The following TAFA5 variants were observed in gnomAD, a reference collection of about 807,000 sequenced individuals.
The protein encoded by TAFA5 is TAFA chemokine like family member 5, also known as chemokine-like protein TAFA-5.
In TAFA5, 6 loss-of-function variants were observed where a neutral mutation model predicts 15.3. The observed-to-expected ratio is 0.39, with a 90% confidence interval of 0.21 to 0.77. The LOEUF is 0.77. Among genes scored for constraint, TAFA5 ranks in the 30% least tolerant of loss-of-function variants. TAFA5 has a pLI of 0.41. For synonymous variants in TAFA5, 103 were observed against 80.7 expected (o/e 1.28, Z -1.48); for missense variants, 161 against 193.1 (o/e 0.83, Z 0.98).
intron 1 of TAFA5, among the ~76,000 whole-genome samples, chr22:48,563,507 G>T (rs1472856818): frequency 1.3e-5 from 2 of 152,322 alleles, no homozygotes; most frequent in African/African-American, 4.8e-5. Context: ...GGCTCCTCTT[G>T]TCTCTATATG....
Position 48,565,373 on chromosome 22 carries a change from C to G in TAFA5, c.112+75669C>G, listed in dbSNP as rs566618643. Among the ~76,000 whole-genome samples, 8 of 152,320 alleles carry G rather than the reference C, an allele frequency of 5.3e-5. No homozygotes were observed. In the South Asian group the frequency reaches 1.7e-3, roughly 32 times the overall value. ...CCAGGCCCTCTGGCTTAATGGACAG[C>G]AAAGTCCTAGAAGTGGCTGTGGGGT... On this transcript the variant is annotated intron_variant, in intron 1 of 3. Transcript: ENST00000402357.
chr22:48,605,800 C>T (rs73889151), intron 1 of TAFA5, among the ~76,000 whole-genome samples: 19,462 of 152,190 alleles, frequency 0.13, 1,351 homozygotes, highest in African/African-American at 0.17. Context: ...TGTAGGGTCC[C>T]TGTGTCTTGT....
At chr22:48,516,691 G>A (rs1220063733) in intron 1 of TAFA5, among the ~76,000 whole-genome samples, 1 of 152,204 alleles carries the variant, frequency 6.6e-6, no homozygotes, top group Non-Finnish European at 1.5e-5. Context: ...GACAGGGGTG[G>A]CCCTTCATGA....
chr22:48,687,694 A>C (rs532718708), intron 2 of TAFA5, among the ~76,000 whole-genome samples: 2 of 152,220 alleles, frequency 1.3e-5, no homozygotes, highest in East Asian at 3.9e-4. Context: ...TCTCCCAGTG[A>C]CAGATCCACA....
chr22:48,621,652 C>G (rs2147182600), intron 1 of TAFA5, among the ~76,000 whole-genome samples: 1 of 152,314 alleles, frequency 6.6e-6, no homozygotes, highest in Middle Eastern at 3.4e-3. Flanking sequence ...AGTGGCCCAG[C>G]CTGCGGCATC....
At chr22:48,611,771 G>A (rs1480780391) in intron 1 of TAFA5, among the ~76,000 whole-genome samples, 1 of 152,018 alleles carries the variant, frequency 6.6e-6, no homozygotes, top group Admixed American at 6.5e-5. Context: ...CTTCAGTAAA[G>A]CATGTGCAAC....
At chr22:48,606,032 A>G (rs937964517) in intron 1 of TAFA5, among the ~76,000 whole-genome samples, 4 of 152,154 alleles carry the variant, frequency 2.6e-5, no homozygotes, top group Non-Finnish European at 5.9e-5. Flanking sequence ...GGTGAGCCTG[A>G]TGAGTCAGCA....
intron 2 of TAFA5, among the ~76,000 whole-genome samples, chr22:48,664,065 T>A (rs561935785): frequency 6.6e-6 from 1 of 152,360 alleles, no homozygotes; most frequent in African/African-American, 2.4e-5. Context: ...CTGGCTTTGC[T>A]GTTGCACCCC....
intron 1 of TAFA5, among the ~76,000 whole-genome samples, chr22:48,630,842 C>T (rs189452150): frequency 2.4e-4 from 36 of 152,274 alleles, no homozygotes; most frequent in Middle Eastern, 3.4e-3. Context: ...CCAGGCCCCC[C>T]GAGGAAAAGC....
chr22:48,695,170 G>T (rs1253916261), intron 2 of TAFA5, among the ~76,000 whole-genome samples: 2 of 152,040 alleles, frequency 1.3e-5, no homozygotes, highest in African/African-American at 4.8e-5. Flanking sequence ...TGCACATTGT[G>T]TGTGTGTGTG....
intron 1 of TAFA5, among the ~76,000 whole-genome samples, chr22:48,641,638 C>T (rs777970845): frequency 2.7e-4 from 40 of 150,194 alleles, no homozygotes; most frequent in Non-Finnish European, 4.4e-4. Flanking sequence ...TTCCCCCCCG[C>T]ACACCCTCCC....
At chr22:48,602,557 G>T (rs1474644537) in intron 1 of TAFA5, among the ~76,000 whole-genome samples, 2 of 152,210 alleles carry the variant, frequency 1.3e-5, no homozygotes, top group Non-Finnish European at 2.9e-5. Context: ...ATTTTGCAGA[G>T]AATGTTTGTG....
intron 2 of TAFA5, among the ~76,000 whole-genome samples, chr22:48,660,011 C>T (rs77915007): frequency 0.063 from 9,648 of 152,190 alleles, 453 homozygotes; most frequent in African/African-American, 0.12. Context: ...TCCCCTGCTC[C>T]GGGTGTGGGG....
intron 1 of TAFA5, among the ~76,000 whole-genome samples, chr22:48,575,364 C>T (rs1569030835): frequency 2.0e-5 from 3 of 149,814 alleles, no homozygotes; most frequent in South Asian, 4.1e-4. Flanking sequence ...TGCGCATCCG[C>T]GGCTCCGCGG....
At chr22:48,621,901 G>A (rs1056527741) in intron 1 of TAFA5, among the ~76,000 whole-genome samples, 2 of 152,150 alleles carry the variant, frequency 1.3e-5, no homozygotes, top group Non-Finnish European at 1.5e-5. Context: ...GCCTGGCACG[G>A]TTTGTGCCTC....
intron 2 of TAFA5, among the ~76,000 whole-genome samples, chr22:48,688,167 C>T (rs1295739278): frequency 6.6e-6 from 1 of 151,932 alleles, no homozygotes; most frequent in Non-Finnish European, 1.5e-5. Context: ...CACTGGCGCA[C>T]CCTTCATAAA....
chr22:48,638,464 G>A (rs1926540502), intron 1 of TAFA5, among the ~76,000 whole-genome samples: 1 of 104,580 alleles, frequency 9.6e-6, no homozygotes, highest in African/African-American at 3.7e-5. Flanking sequence ...CTAAGCCCTG[G>A]GTCACCGCAC....
chr22:48,536,268 C>T (rs889677887), intron 1 of TAFA5, among the ~76,000 whole-genome samples: 2 of 152,250 alleles, frequency 1.3e-5, no homozygotes, highest in Non-Finnish European at 2.9e-5. Context: ...CCAGCAGTCC[C>T]GGGTTTTTGT....
At chr22:48,571,574 GTTTTTTTTTTTTTTTTTTTTT>G (rs57578802) in intron 1 of TAFA5, among the ~76,000 whole-genome samples, 1 of 29,234 alleles carries the variant, frequency 3.4e-5, no homozygotes, top group Non-Finnish European at 6.6e-5. Context: ...TGCCTGGCCT[GTTTTTTTTTTTTTTTTTTTTT>G]TTTTTTTTTT....
Sources: allele counts gnomAD v4.1 joint callset (sites outside exome capture counted in the v4.1 genomes callset), GRCh38; gene constraint gnomAD v4.1.1; transcripts MANE v1.5; gene names NCBI Gene and HGNC (gene_info 2026-07-23, HGNC 2026-07-21).